The following PTGIS variants were observed in gnomAD, a reference collection of about 807,000 sequenced individuals.
PTGIS encodes prostacyclin synthase.
Under a neutral mutation model 50.3 loss-of-function variants are expected in PTGIS, and 45 were observed. The ratio of observed to expected loss-of-function variants is 0.90; its 90% CI spans 0.70 to 1.15. PTGIS has a LOEUF of 1.15. Among genes scored for constraint, PTGIS ranks in the 50% most tolerant of loss-of-function variants. The pLI is 0.00. For synonymous variants in PTGIS, 260 were observed against 267.7 expected, an observed-to-expected ratio of 0.97 and a Z score of 0.28; for missense variants, 668 against 661.3, an observed-to-expected ratio of 1.01 and a Z score of -0.11.
At chr20:49,556,404 GTCCTGACC>G (rs1982623526) in intron 1 of PTGIS, among the ~76,000 whole-genome samples, 1 of 152,134 alleles carries the variant, frequency 6.6e-6, no homozygotes. Flanking sequence ...CGTTTACAGG[GTCCTGACC>G]TGTGGAAAGC....
At position 49,535,712 on chromosome 20, in the gene PTGIS, C is replaced by G. The variant is rs529848116; in HGVS notation, c.673+3858G>C. Among the ~76,000 whole-genome samples the G allele has an allele frequency of 2.6e-5, 4 of 152,170 alleles. No individual in the cohort carries two copies. The East Asian group carries it at 7.7e-4, about 29-fold the overall frequency. ...TGTATTTTTGGTAGAGATGGGGTTT[C>G]GCCATGTTGGCCAGGCTGGTCGCAA... On this transcript the variant is annotated intron_variant, in intron 5 of 9. Coordinates refer to ENST00000244043, the MANE Select transcript of PTGIS (RefSeq NM_000961.4).
Position 49,510,683 on chromosome 20 carries a change from A to T in PTGIS, c.1358+345T>A, listed in dbSNP as rs181598648. On this transcript the variant is annotated intron_variant, in intron 9 of 9. Transcript: ENST00000244043. ...GAACAGTGAAGTTCGGCCAGTTCCT[A>T]ACATGAAGTTCTGAACATGCGGCAG... Among the ~76,000 whole-genome samples, 12 of 152,270 alleles carry T rather than the reference A, an allele frequency of 7.9e-5. No homozygotes were observed. In the East Asian group the frequency reaches 1.5e-3, roughly 20 times the overall value.
chr20:49,509,879 T>G (rs1278190717), intron 9 of PTGIS, among the ~76,000 whole-genome samples: 1 of 133,510 alleles, frequency 7.5e-6, no homozygotes. Flanking sequence ...CTTTCTTTCT[T>G]TCTTTTTTTT....
At chr20:49,541,601 G>A (rs187116672) in intron 4 of PTGIS, among the ~76,000 whole-genome samples, 260 of 152,128 alleles carry the variant, frequency 1.7e-3, no homozygotes, top group African/African-American at 5.7e-3. Context: ...GCATGGTGGC[G>A]GCACCTGTAG....
In PTGIS at chr20:49,508,772, C is replaced by A. The variant is rs375712463; in HGVS notation, c.1359-708G>T. On this transcript the variant is annotated intron_variant, in intron 9 of 9. Transcript: ENST00000244043. ...AACAAGCACTCTCTACTGCCATCTT[C>A]TGGGAAAACTGTCATAATAACTATT... 2.1e-4 allele frequency among the ~76,000 whole-genome samples: 32 copies of A among 152,350 alleles called. No homozygotes were observed. In the East Asian group the frequency reaches 4.8e-3, roughly 23 times the overall value.
At chr20:49,509,782 C>T (rs1025109909) in intron 9 of PTGIS, among the ~76,000 whole-genome samples, 17 of 151,474 alleles carry the variant, frequency 1.1e-4, no homozygotes, top group African/African-American at 4.1e-4. Flanking sequence ...GTTCTTCTCT[C>T]TCTCTCTTTT....
rs766376189 is a variant in PTGIS, at chr20:49,544,328, G to A, written c.498C>T (p.Asp166=). 3 of 1,614,186 alleles carry A rather than the reference G, an allele frequency of 1.9e-6. No homozygotes were observed. Among genetic ancestry groups the A allele is most frequent in the South Asian group, 2.2e-5 (2 of 91,076 alleles). ...ACCTGAGCAGGAAGCTGTAGGAGAA[G>A]TCGAGGAGACCCATCTCGTGCCAGC... ...GSGWHEMGLL[D]FSYSFLLRAG... The change falls in exon 4 of 10, where the codon GAC becomes GAT. Residue 166 remains aspartate (D), a synonymous_variant. Coordinates refer to ENST00000244043, the MANE Select transcript of PTGIS (RefSeq NM_000961.4).
Position 49,507,010 on chromosome 20 carries a change from C to T in PTGIS, c.*910G>A, listed in dbSNP as rs559348524. ...GAATGAACTCTCCCAAAGATGATAA[C>T]AACTAAGGCATTTTTTTAAGTGAAG... On this transcript the variant is annotated 3_prime_UTR_variant, in exon 10 of 10. Transcript: ENST00000244043. The T allele has an allele frequency of 6.6e-6, 1 of 152,306 alleles. No individual in the cohort carries two copies. Among genetic ancestry groups the T allele is most frequent in the East Asian group, 1.9e-4 (1 of 5,180 alleles). The allele number at this position is 152,306 out of a possible 1,614,324, so 9.4% of individuals were successfully genotyped here.
intron 6 of PTGIS, among the ~76,000 whole-genome samples, chr20:49,519,190 A>C (rs1440985104): frequency 7.1e-6 from 1 of 141,488 alleles, no homozygotes; most frequent in Non-Finnish European, 1.5e-5. Flanking sequence ...CCTTGCCTGG[A>C]CCTTAGGTCT....
rs1336290685 is a variant in PTGIS at position 49,504,254 on chromosome 20, AAG to A, written c.*3664_*3665del. The A allele has an allele frequency of 6.6e-6, 1 of 152,244 alleles. No homozygotes were observed. The highest frequency in any genetic ancestry group is 1.5e-5 in the Non-Finnish European group (1 of 68,046). 9.4% of individuals were successfully genotyped at this position (152,244 alleles called of 1,614,324 possible). On this transcript the variant is annotated 3_prime_UTR_variant, in exon 10 of 10. Transcript: ENST00000244043. ...TTGCTTATCTCGTTTTGTAACAGAG[AAG>A]AGAGAGCTCTCAGCCTTGGCCACAC...
At chr20:49,539,768 G>A (rs1186564175) in intron 4 of PTGIS, 47 bp from the exon 5 acceptor site, 4 of 1,588,122 alleles carry the variant, frequency 2.5e-6, no homozygotes, top group South Asian at 2.3e-5. Context: ...GGACACTCAT[G>A]TGTGGCCACA....
chr20:49,544,153 T>C (rs183842282), intron 4 of PTGIS, 152 bp downstream of exon 4: 777 of 1,004,032 alleles, frequency 7.7e-4, no homozygotes, highest in Non-Finnish European at 9.9e-4. Context: ...GGGGCCCTGG[T>C]GCATGGCGTC....
intron 9 of PTGIS, among the ~76,000 whole-genome samples, chr20:49,509,789 T>TC (rs1341497168): frequency 2.7e-5 from 4 of 147,214 alleles, no homozygotes; most frequent in Middle Eastern, 3.5e-3. Flanking sequence ...TCTCTCTCTC[T>TC]TTTTTTTTTA....
intron 1 of PTGIS, among the ~76,000 whole-genome samples, chr20:49,557,932 T>G (rs1982658229): frequency 6.6e-6 from 1 of 152,078 alleles, no homozygotes; most frequent in South Asian, 2.1e-4. Flanking sequence ...ATTGAAACCC[T>G]CAAAGTCGTC....
chr20:49,561,588 C>T (rs1982777679), intron 1 of PTGIS, among the ~76,000 whole-genome samples: 1 of 152,190 alleles, frequency 6.6e-6, no homozygotes, highest in Admixed American at 6.5e-5. Flanking sequence ...GACCCAGAAG[C>T]AGTGATTTTT....
rs1175214199 is a variant in PTGIS, at chr20:49,540,418, T to A, written c.522-697A>T. ...CCAGAGCTGAGAGTGCAACCGTGCC[T>A]GGTGGGAGAGGTGCCAGCTGTGGCT... On this transcript the variant is annotated intron_variant, in intron 4 of 9. Coordinates refer to ENST00000244043, the MANE Select transcript of PTGIS (RefSeq NM_000961.4). The surrounding 1 kb of genome is among the most constrained non-coding windows in gnomAD (Gnocchi z 4.8). Among the ~76,000 whole-genome samples, 3 of 151,748 alleles carry A rather than the reference T, an allele frequency of 2.0e-5. No homozygotes were observed. Among genetic ancestry groups the A allele is most frequent in the Non-Finnish European group, 2.9e-5 (2 of 67,914 alleles).
chr20:49,508,559 C>G (rs1366471177), intron 9 of PTGIS, among the ~76,000 whole-genome samples: 17 of 152,226 alleles, frequency 1.1e-4, no homozygotes, highest in Admixed American at 1.0e-3. Context: ...AATACGGCGA[C>G]TCCTCTGGAT....
intron 9 of PTGIS, among the ~76,000 whole-genome samples, chr20:49,508,326 C>T (rs999679616): frequency 6.6e-6 from 1 of 152,156 alleles, no homozygotes; most frequent in Non-Finnish European, 1.5e-5. Flanking sequence ...TCAAAGCATT[C>T]GCGAGCCAGT....
intron 6 of PTGIS, among the ~76,000 whole-genome samples, chr20:49,522,333 C>T (rs564991655): frequency 1.3e-5 from 2 of 152,224 alleles, no homozygotes; most frequent in South Asian, 4.2e-4. Flanking sequence ...CCAGCTAGAG[C>T]AGACCCGAAA....
Sources: allele counts gnomAD v4.1 joint callset (sites outside exome capture counted in the v4.1 genomes callset), GRCh38; gene constraint gnomAD v4.1.1; non-coding constraint Gnocchi (gnomAD v3.1); transcripts MANE v1.5; gene names NCBI Gene and HGNC (gene_info 2026-07-23, HGNC 2026-07-21).